The following FRK variants were observed in gnomAD, a reference collection of about 807,000 sequenced individuals.
The protein encoded by FRK is tyrosine-protein kinase FRK.
Under a neutral mutation model 56.4 loss-of-function variants are expected in FRK, and 51 were observed. The observed-to-expected ratio is 0.90, with a 90% confidence interval of 0.72 to 1.14. The LOEUF (loss-of-function observed/expected upper bound fraction) is 1.14. Among genes scored for constraint, FRK ranks in the 50% most tolerant of loss-of-function variants. FRK has a pLI of 0.00. For missense variants in FRK, 570 were observed against 601.4 expected, an observed-to-expected ratio of 0.95 and a Z score of 0.55; for synonymous variants, 245 against 217.9, an observed-to-expected ratio of 1.12 and a Z score of -1.10.
the FRK span, among the ~76,000 whole-genome samples, chr6:116,090,038 A>T: frequency 6.6e-6 from 1 of 152,226 alleles, no homozygotes; most frequent in Non-Finnish European, 1.5e-5. Flanking sequence ...AGATAAACAA[A>T]TAATTTTTTA....
chr6:115,985,396 T>C (rs1343715071), intron 2 of FRK, among the ~76,000 whole-genome samples: 1 of 152,122 alleles, frequency 6.6e-6, no homozygotes, highest in Non-Finnish European at 1.5e-5. Flanking sequence ...AGTAATGTGT[T>C]TAAATATTTA....
chr6:115,950,155 T>G (rs895921190), intron 5 of FRK, among the ~76,000 whole-genome samples: 1 of 152,046 alleles, frequency 6.6e-6, no homozygotes, highest in African/African-American at 2.4e-5. Context: ...CCAAAAGCAA[T>G]GGCAACAAAA....
chr6:116,017,870 C>T (rs771097154), intron 1 of FRK, among the ~76,000 whole-genome samples: 3 of 152,192 alleles, frequency 2.0e-5, no homozygotes, highest in African/African-American at 4.8e-5. Flanking sequence ...CTCCAGTCCA[C>T]TCTGCCTCAC....
intron 4 of FRK, among the ~76,000 whole-genome samples, chr6:115,965,100 G>T (rs1343438841): frequency 1.1e-5 from 1 of 92,694 alleles, no homozygotes; most frequent in African/African-American, 4.1e-5. Context: ...ACTACCATCA[G>T]AGTGAACAGG....
chr6:115,942,387 T>G lies in FRK; in HGVS notation c.*27A>C. The G allele has an allele frequency of 6.4e-7, 1 of 1,558,524 alleles. No homozygotes were observed. Among genetic ancestry groups the G allele is most frequent in the Admixed American group, 1.7e-5 (1 of 59,510 alleles). ...GATTATTTGAATTTGTTTTGCTACT[T>G]TATTATTTGATATTCTTCTCCAGTG... On this transcript the variant is annotated 3_prime_UTR_variant, in exon 8 of 8. Transcript: ENST00000606080.
intron 1 of FRK, chr6:116,039,291 G>A: frequency 6.9e-7 from 1 of 1,458,886 alleles, no homozygotes; most frequent in Non-Finnish European, 9.6e-7. Context: ...CACCCCAGAA[G>A]GCCCAGGAAG....
chr6:115,955,575 A>G (rs1772951767), intron 5 of FRK, among the ~76,000 whole-genome samples: 2 of 152,126 alleles, frequency 1.3e-5, no homozygotes, highest in African/African-American at 4.8e-5. Context: ...AACAGGCCTT[A>G]TTATGTTCTT....
intron 2 of FRK, among the ~76,000 whole-genome samples, chr6:115,994,822 A>T (rs1774774006): frequency 6.6e-6 from 1 of 152,094 alleles, no homozygotes; most frequent in African/African-American, 2.4e-5. Context: ...CCATGTGAGG[A>T]TACAATAAGA....
At chr6:115,958,768 A>AAAG (rs1292819468) in intron 4 of FRK, among the ~76,000 whole-genome samples, 2 of 80,760 alleles carry the variant, frequency 2.5e-5, no homozygotes, top group African/African-American at 1.1e-4. Flanking sequence ...AGAAAGAAAG[A>AAAG]GGGGGGGGAA....
chr6:115,990,060 TG>T (rs1024348497), intron 2 of FRK, among the ~76,000 whole-genome samples: 1 of 151,868 alleles, frequency 6.6e-6, no homozygotes, highest in African/African-American at 2.4e-5. Flanking sequence ...ATTTCATGTT[TG>T]TTGGTTGCTT....
At position 115,940,700 on chromosome 6, in the gene FRK, A is replaced by G. The variant is rs775382719; in HGVS notation, c.*1714T>C. 2.0e-5 allele frequency: 3 copies of G among 152,232 alleles called. No individual in the cohort carries two copies. The highest frequency in any genetic ancestry group is 4.8e-5 in the African/African-American group (2 of 41,458). 9.4% of individuals were successfully genotyped at this position (152,232 alleles called of 1,614,324 possible). On this transcript the variant is annotated 3_prime_UTR_variant, in exon 8 of 8. Transcript: ENST00000606080. Reference sequence around the variant, plus strand: ...GAACAGACACATTTCAAAAGAAGATATTTATGCAGCCAACAGACATATGAA... The same window carrying G: ...GAACAGACACATTTCAAAAGAAGATGTTTATGCAGCCAACAGACATATGAA...
intron 2 of FRK, among the ~76,000 whole-genome samples, chr6:115,978,407 T>A (rs1343160311): frequency 6.6e-6 from 1 of 152,146 alleles, no homozygotes; most frequent in Non-Finnish European, 1.5e-5. Flanking sequence ...AAAAGGACGA[T>A]GACTCCAGGA....
At chr6:115,987,321 G>A (rs181423032) in intron 2 of FRK, among the ~76,000 whole-genome samples, 5 of 151,942 alleles carry the variant, frequency 3.3e-5, no homozygotes, top group African/African-American at 7.3e-5. Flanking sequence ...CACAGTTCTA[G>A]TAATAGAAAG....
intron 1 of FRK, among the ~76,000 whole-genome samples, chr6:116,006,814 A>G (rs1775264570): frequency 6.6e-6 from 1 of 152,182 alleles, no homozygotes; most frequent in Non-Finnish European, 1.5e-5. Context: ...AGCCTGGGTG[A>G]CATAGAAAGA....
intron 1 of FRK, among the ~76,000 whole-genome samples, chr6:116,039,932 A>AC (rs1224883293): frequency 6.6e-6 from 1 of 150,784 alleles, no homozygotes; most frequent in Non-Finnish European, 1.5e-5. Context: ...GAGGGAATAA[A>AC]CACCTGGCAC....
chr6:116,041,899 C>T (rs913347673), intron 1 of FRK, among the ~76,000 whole-genome samples: 2 of 152,152 alleles, frequency 1.3e-5, no homozygotes, highest in African/African-American at 2.4e-5. Context: ...GAGACAGAAC[C>T]GTTCACTCAC....
intron 1 of FRK, among the ~76,000 whole-genome samples, chr6:116,055,007 T>C (rs2114825653): frequency 6.6e-6 from 1 of 152,320 alleles, no homozygotes; most frequent in East Asian, 1.9e-4. Flanking sequence ...TGAAAATGAT[T>C]AGGCACACTA....
intron 4 of FRK, 43 bp downstream of exon 4, chr6:115,967,508 A>G: frequency 6.3e-7 from 1 of 1,586,204 alleles, no homozygotes; most frequent in Admixed American, 1.7e-5. Flanking sequence ...AATTGAGCTC[A>G]TAAAAATCAA....
chr6:116,039,461 C>T, intron 1 of FRK: 2 of 1,558,850 alleles, frequency 1.3e-6, no homozygotes, highest in Non-Finnish European at 8.8e-7. Context: ...TCCCTCAAGC[C>T]CTAATTCGTG....
Sources: gnomAD v4.1 joint callset for allele counts (sites outside exome capture counted in the v4.1 genomes callset) on GRCh38, gnomAD v4.1.1 for gene constraint, MANE v1.5 for transcripts, NCBI Gene and HGNC (gene_info 2026-07-23, HGNC 2026-07-21) for gene names.